CSMD1: variants seen among roughly 807,000 people sequenced by gnomAD.
CSMD1 encodes the protein CUB and sushi domain-containing protein 1.
In CSMD1, 213 loss-of-function variants were observed where a neutral mutation model predicts 417.5. The observed-to-expected ratio is 0.51, with a 90% CI of 0.46 to 0.57. CSMD1 has a LOEUF of 0.57. Ranked by LOEUF, CSMD1 falls within the 20% of genes least tolerant of loss-of-function variation. The pLI, the probability that CSMD1 is intolerant of heterozygous loss-of-function variation, is 0.00. For missense variants in CSMD1, 6,923 were observed against 4,529.7 expected (o/e 1.53, Z -15.17); for synonymous variants, 2,862 against 1,736.8 (o/e 1.65, Z -16.11).
At chr8:4,447,538 C>T (rs895299308) in intron 2 of CSMD1, among the ~76,000 whole-genome samples, 1 of 152,294 alleles carries the variant, frequency 6.6e-6, no homozygotes, top group Admixed American at 6.5e-5. Context: ...ATCCCTCACT[C>T]TACAGATAAC....
chr8:4,419,849 C>T lies in CSMD1; in HGVS notation c.415+104G>A, dbSNP rs879058175. The stretch of plus-strand genomic sequence containing the variant: ...GAAGCCAAATGTCTACACCACGGAA[C>T]GACCTGCGACATAGCAGCCTAGTTT... On this transcript the variant is annotated intron_variant, in intron 3 of 69. Transcript: ENST00000635120. 9.0e-6 allele frequency: 7 copies of T among 777,054 alleles called. No homozygotes were observed. The Middle Eastern group carries it at 7.1e-4, about 79-fold the overall frequency. The allele number at this position is 777,054 out of a possible 1,614,324, so 48.1% of individuals were successfully genotyped here.
chr8:3,184,419 G>T (rs547266926), intron 36 of CSMD1, among the ~76,000 whole-genome samples: 1 of 152,106 alleles, frequency 6.6e-6, no homozygotes, highest in Non-Finnish European at 1.5e-5. Context: ...AATCCTTAAA[G>T]GCAATGAGCA....
At chr8:3,773,040 A>G (rs994909266) in intron 5 of CSMD1, among the ~76,000 whole-genome samples, 3 of 152,140 alleles carry the variant, frequency 2.0e-5, no homozygotes, top group Non-Finnish European at 2.9e-5. Flanking sequence ...TTCCCATGAC[A>G]GAAGGGAAGA....
At chr8:2,980,225 G>A (rs1563202352) in intron 54 of CSMD1, among the ~76,000 whole-genome samples, 1 of 152,172 alleles carries the variant, frequency 6.6e-6, no homozygotes, top group Non-Finnish European at 1.5e-5. Context: ...GAAATGAGTG[G>A]AAGACTTTGA....
chr8:4,353,884 G>A (rs1801243678), intron 3 of CSMD1, among the ~76,000 whole-genome samples: 3 of 152,142 alleles, frequency 2.0e-5, no homozygotes, highest in African/African-American at 4.8e-5. Flanking sequence ...ATAGTGCCAG[G>A]GAAAAGAGCA....
chr8:4,966,757 G>T (rs545004743), intron 1 of CSMD1, among the ~76,000 whole-genome samples: 1 of 152,284 alleles, frequency 6.6e-6, no homozygotes, highest in Admixed American at 6.5e-5. Flanking sequence ...TTTAACATGT[G>T]TCTTAATTTA....
intron 3 of CSMD1, among the ~76,000 whole-genome samples, chr8:4,275,720 A>G (rs541844165): frequency 1.3e-5 from 2 of 152,348 alleles, no homozygotes; most frequent in African/African-American, 4.8e-5. Context: ...GATTCCATTC[A>G]CAATGAGTAT....
At chr8:4,598,497 A>G (rs1157197927) in intron 2 of CSMD1, among the ~76,000 whole-genome samples, 1 of 152,192 alleles carries the variant, frequency 6.6e-6, no homozygotes, top group Non-Finnish European at 1.5e-5. Flanking sequence ...ACAGAATACC[A>G]AACTCCAGCT....
chr8:4,953,071 A>C (rs1585397868), intron 1 of CSMD1, among the ~76,000 whole-genome samples: 1 of 148,784 alleles, frequency 6.7e-6, no homozygotes, highest in African/African-American at 2.5e-5. Context: ...AGACAAAAAA[A>C]CATTATAGTC....
chr8:3,939,186 A>G (rs906291336), intron 5 of CSMD1, among the ~76,000 whole-genome samples: 1 of 152,146 alleles, frequency 6.6e-6, no homozygotes, highest in African/African-American at 2.4e-5. Flanking sequence ...GACAGACTGT[A>G]TAAGAGAACC....
intron 26 of CSMD1, among the ~76,000 whole-genome samples, chr8:3,238,794 G>T (rs892531988): frequency 6.6e-6 from 1 of 152,166 alleles, no homozygotes. Context: ...TGCCAGCAAA[G>T]ATTATTTATT....
chr8:3,444,047 T>C (rs955402747), intron 12 of CSMD1, among the ~76,000 whole-genome samples: 5 of 152,108 alleles, frequency 3.3e-5, no homozygotes, highest in African/African-American at 1.2e-4. Flanking sequence ...CGTATCAGCA[T>C]GAAATCTTGT....
At chr8:3,636,754 T>G (rs112078077) in intron 7 of CSMD1, among the ~76,000 whole-genome samples, 1 of 152,108 alleles carries the variant, frequency 6.6e-6, no homozygotes, top group African/African-American at 2.4e-5. Flanking sequence ...TGGCAGGGAG[T>G]AAGGCAGAGA....
chr8:3,502,193 T>C (rs1796630767), intron 10 of CSMD1, among the ~76,000 whole-genome samples: 1 of 151,520 alleles, frequency 6.6e-6, no homozygotes, highest in Non-Finnish European at 1.5e-5. Context: ...TGAAACCCCG[T>C]CTCTACTAAA....
chr8:4,968,046 C>A (rs558950084), intron 1 of CSMD1, among the ~76,000 whole-genome samples: 2 of 151,948 alleles, frequency 1.3e-5, no homozygotes, highest in African/African-American at 4.8e-5. Context: ...ACCAAGCCAG[C>A]CAAATTAGAG....
At chr8:4,190,399 G>C (rs1035302133) in intron 3 of CSMD1, among the ~76,000 whole-genome samples, 4 of 152,012 alleles carry the variant, frequency 2.6e-5, no homozygotes, top group African/African-American at 9.7e-5. Flanking sequence ...TTGACAGAAT[G>C]GTTATGACAT....
intron 6 of CSMD1, among the ~76,000 whole-genome samples, chr8:3,736,184 A>G (rs889359379): frequency 3.9e-5 from 6 of 152,126 alleles, no homozygotes; most frequent in African/African-American, 1.4e-4. Context: ...ATCATATTCT[A>G]TGTGTATTAA....
chr8:3,573,057 A>G (rs1271976518), intron 10 of CSMD1, among the ~76,000 whole-genome samples: 1 of 152,230 alleles, frequency 6.6e-6, no homozygotes, highest in Non-Finnish European at 1.5e-5. Context: ...CAAATTAATG[A>G]GATGGCTTAG....
chr8:4,016,951 T>G (rs1396608416), intron 4 of CSMD1, among the ~76,000 whole-genome samples: 2 of 152,194 alleles, frequency 1.3e-5, no homozygotes, highest in Admixed American at 1.3e-4. Context: ...TGAAACTCCT[T>G]AAAGTCAAAA....
Sources: allele counts gnomAD v4.1 joint callset (sites outside exome capture counted in the v4.1 genomes callset), GRCh38; gene constraint gnomAD v4.1.1; transcripts MANE v1.5; gene names NCBI Gene and HGNC (gene_info 2026-07-23, HGNC 2026-07-21).